CYRIB: variants seen among roughly 807,000 people sequenced by gnomAD.
The protein encoded by CYRIB is CYFIP related Rac1 interactor B.
A neutral mutation model predicts 44.2 loss-of-function variants in CYRIB; 8 were observed. That is an observed-to-expected ratio of 0.18 (90% CI 0.11 to 0.33). The LOEUF (loss-of-function observed/expected upper bound fraction) is 0.33, where lower values mean the gene tolerates loss of function less well. CYRIB is among the 10% of genes least tolerant of loss of function. CYRIB has a pLI of 1.00. For missense variants in CYRIB, 185 were observed against 382.8 expected, an observed-to-expected ratio of 0.48 and a Z score of 4.31; for synonymous variants, 131 against 127.2, an observed-to-expected ratio of 1.03 and a Z score of -0.20.
intron 2 of CYRIB, among the ~76,000 whole-genome samples, chr8:129,901,992 G>A (rs1010501634): frequency 5.9e-5 from 9 of 152,082 alleles, no homozygotes; most frequent in African/African-American, 2.2e-4. Flanking sequence ...ATCCTATGTA[G>A]TTTACTTCAT....
chr8:129,928,588 A>G (rs1174321268), intron 1 of CYRIB, among the ~76,000 whole-genome samples: 1 of 151,980 alleles, frequency 6.6e-6, no homozygotes, highest in Non-Finnish European at 1.5e-5. Context: ...TGAGCCCAGG[A>G]GTTCTAGGCT....
At chr8:129,929,560 C>T (rs998479293) in intron 1 of CYRIB, among the ~76,000 whole-genome samples, 3 of 152,044 alleles carry the variant, frequency 2.0e-5, no homozygotes, top group Non-Finnish European at 2.9e-5. Flanking sequence ...GTGAAAAAAA[C>T]TTAGTATATA....
At chr8:129,889,553 G>A (rs1372041902) in intron 2 of CYRIB, among the ~76,000 whole-genome samples, 1 of 152,124 alleles carries the variant, frequency 6.6e-6, no homozygotes, top group South Asian at 2.1e-4. Flanking sequence ...GTGATTCATG[G>A]GAAGGGGTCA....
chr8:129,909,680 TTAG>T (rs1220406611), intron 1 of CYRIB, among the ~76,000 whole-genome samples: 1 of 151,890 alleles, frequency 6.6e-6, no homozygotes, highest in Non-Finnish European at 1.5e-5. Context: ...CTTTGTGAGA[TTAG>T]AAGAAGTTAT....
At chr8:129,954,750 T>C (rs192053561) in intron 2 of CYRIB, among the ~76,000 whole-genome samples, 2 of 152,314 alleles carry the variant, frequency 1.3e-5, no homozygotes, top group Admixed American at 1.3e-4. Flanking sequence ...TTTATGTCTA[T>C]ACTGTCTTTA....
upstream of CYRIB, among the ~76,000 whole-genome samples, chr8:130,016,853 C>T (rs1475317384): frequency 1.3e-5 from 2 of 152,020 alleles, no homozygotes; most frequent in Non-Finnish European, 2.9e-5. Flanking sequence ...GGGCGCGCTG[C>T]GATTGGGGGT....
chr8:129,973,407 G>A lies in CYRIB; in HGVS notation c.-295-2412C>T, dbSNP rs371918560. Among the ~76,000 whole-genome samples, 34 of 152,346 alleles carry A rather than the reference G, an allele frequency of 2.2e-4. No homozygotes were observed. The East Asian group carries it at 5.0e-3, about 22-fold the overall frequency. Reference sequence around the variant, plus strand: ...AGGAGGTGGAAGAGGGATGGGCCTCGGTATGTCAGGGGTGGGCTTGCCAGG... The same window carrying A: ...AGGAGGTGGAAGAGGGATGGGCCTCAGTATGTCAGGGGTGGGCTTGCCAGG... On this transcript the variant is annotated intron_variant, in intron 1 of 14. Coordinates refer to the CYRIB transcript ENST00000401979.
In CYRIB at chr8:129,905,059, C is replaced by A. The variant is rs866758293; in HGVS notation, c.-49-1709G>T. On this transcript the variant is annotated intron_variant, in intron 1 of 11. Transcript: ENST00000519824. ...CTAATGAAATAAGTCAGACACTCAA[C>A]AGGCCAAATGAAACAGTCTAAGGGC... is the stretch of plus-strand genomic sequence containing the variant. Among the ~76,000 whole-genome samples, 4 of 152,324 alleles carry A rather than the reference C, an allele frequency of 2.6e-5. No individual in the cohort carries two copies. In the East Asian group the frequency reaches 7.7e-4, roughly 29 times the overall value.
intron 1 of CYRIB, among the ~76,000 whole-genome samples, chr8:129,998,577 C>T (rs1194636283): frequency 6.6e-6 from 1 of 151,900 alleles, no homozygotes; most frequent in Admixed American, 6.6e-5. Flanking sequence ...CCCATTGGTG[C>T]TTTAATATGG....
intron 1 of CYRIB, among the ~76,000 whole-genome samples, chr8:129,996,170 CCTAAAGAGTAAT>C (rs1272663087): frequency 3.9e-5 from 6 of 152,144 alleles, no homozygotes; most frequent in Non-Finnish European, 8.8e-5. Flanking sequence ...GAGCTAAGAA[CCTAAAGAGTAAT>C]TAATCACAGC....
intron 1 of CYRIB, among the ~76,000 whole-genome samples, chr8:129,997,070 GA>G (rs1208377286): frequency 2.2e-5 from 3 of 138,348 alleles, no homozygotes; most frequent in African/African-American, 8.1e-5. Context: ...GGGAGGGAGG[GA>G]GGGAGGGAGG....
At chr8:130,006,745 T>C (rs2097111258) in intron 1 of CYRIB, among the ~76,000 whole-genome samples, 1 of 144,318 alleles carries the variant, frequency 6.9e-6, no homozygotes, top group Non-Finnish European at 1.5e-5. Context: ...TATGAGCAGA[T>C]TAAAGAAATC....
chr8:129,873,032 C>T (rs2057898182), intron 3 of CYRIB, among the ~76,000 whole-genome samples: 1 of 151,906 alleles, frequency 6.6e-6, no homozygotes, highest in Admixed American at 6.6e-5. Context: ...CAAAAATATA[C>T]CACATTTTTT....
chr8:129,974,893 T>C (rs2095852608), intron 1 of CYRIB, among the ~76,000 whole-genome samples: 1 of 151,438 alleles, frequency 6.6e-6, no homozygotes, highest in South Asian at 2.1e-4. Flanking sequence ...GATAATTTTT[T>C]TTTTTTTTTG....
chr8:129,972,771 A>C (rs1352755329), intron 1 of CYRIB, among the ~76,000 whole-genome samples: 1 of 151,916 alleles, frequency 6.6e-6, no homozygotes, highest in Admixed American at 6.6e-5. Flanking sequence ...CCACACACAC[A>C]CACCCCACAT....
chr8:129,916,533 G>C (rs2080856385), intron 1 of CYRIB, among the ~76,000 whole-genome samples: 1 of 152,074 alleles, frequency 6.6e-6, no homozygotes, highest in Non-Finnish European at 1.5e-5. Context: ...TACTAGAGCA[G>C]AGCCCCCTAA....
intron 1 of CYRIB, among the ~76,000 whole-genome samples, chr8:129,927,835 G>GA (rs1328224711): frequency 1.3e-5 from 2 of 152,040 alleles, no homozygotes; most frequent in African/African-American, 2.4e-5. Context: ...AAAGTCTATA[G>GA]AAAAACCCAA....
At chr8:129,922,583 G>A (rs1479897368) in intron 1 of CYRIB, among the ~76,000 whole-genome samples, 2 of 152,158 alleles carry the variant, frequency 1.3e-5, no homozygotes, top group African/African-American at 4.8e-5. Context: ...TCTAATAAAG[G>A]CCGGGCGCGG....
chr8:129,918,662 A>C (rs2081994699), intron 1 of CYRIB, among the ~76,000 whole-genome samples: 1 of 152,148 alleles, frequency 6.6e-6, no homozygotes, highest in Admixed American at 6.5e-5. Context: ...CTTTCCCATG[A>C]CTCAAAGTGG....
Sources: gnomAD v4.1 joint callset for allele counts (sites outside exome capture counted in the v4.1 genomes callset) on GRCh38, gnomAD v4.1.1 for gene constraint, MANE v1.5 for transcripts, NCBI Gene and HGNC (gene_info 2026-07-23, HGNC 2026-07-21) for gene names.